STYK1: variants seen among roughly 807,000 people sequenced by gnomAD.
STYK1 encodes the protein tyrosine-protein kinase STYK1.
In STYK1, 46 loss-of-function variants were observed where a neutral mutation model predicts 48.1. The ratio of observed to expected loss-of-function variants is 0.96; its 90% CI spans 0.75 to 1.22. STYK1 has a LOEUF of 1.22. Among genes scored for constraint, STYK1 ranks in the 50% most tolerant of loss-of-function variants. The pLI, the probability that STYK1 is intolerant of heterozygous loss-of-function variation, is 0.00. For missense variants in STYK1, 527 were observed against 521.1 expected, an observed-to-expected ratio of 1.01 and a Z score of -0.11; for synonymous variants, 188 against 189.0, an observed-to-expected ratio of 0.99 and a Z score of 0.04.
At chr12:10,668,276 C>T (rs543878224) in intron 1 of STYK1, among the ~76,000 whole-genome samples, 10 of 152,216 alleles carry the variant, frequency 6.6e-5, no homozygotes, top group South Asian at 4.1e-4. Context: ...GAGCTTAAAA[C>T]GGATTTCAGG....
rs1037782311 is a variant in STYK1, at chr12:10,634,664, C to T, written c.-46G>A. On this transcript the variant is annotated 5_prime_UTR_variant, in exon 3 of 11. The change creates a new upstream start codon in the 5' untranslated region. Transcript: ENST00000075503. ...CCCTGCTAGGCCCACAGAGAATGCA[C>T]ACAGCACAGCTGTGAGTAATTCCTA... is the stretch of plus-strand genomic sequence containing the variant. 3.1e-6 allele frequency: 5 copies of T among 1,609,886 alleles called. No homozygotes were observed. The Admixed American group carries it at 5.0e-5, about 16-fold the overall frequency.
intron 1 of STYK1, among the ~76,000 whole-genome samples, chr12:10,653,301 C>T (rs1446413488): frequency 6.6e-6 from 1 of 152,054 alleles, no homozygotes; most frequent in Non-Finnish European, 1.5e-5. Context: ...TGGTCTCGAC[C>T]TTGGCCTCCC....
At chr12:10,669,951 A>C (rs542788473) in intron 1 of STYK1, among the ~76,000 whole-genome samples, 1 of 152,352 alleles carries the variant, frequency 6.6e-6, no homozygotes, top group Non-Finnish European at 1.5e-5. Flanking sequence ...ACCTGTTAGA[A>C]TAGCTATTAT....
intron 1 of STYK1, among the ~76,000 whole-genome samples, chr12:10,669,557 T>G (rs1947870664): frequency 6.6e-6 from 1 of 152,134 alleles, no homozygotes. Flanking sequence ...AAAAGGTCCA[T>G]CATATTAGGC....
chr12:10,636,466 A>G (rs1277721988), intron 2 of STYK1, among the ~76,000 whole-genome samples: 1 of 152,214 alleles, frequency 6.6e-6, no homozygotes, highest in Non-Finnish European at 1.5e-5. Context: ...CACTGTATCC[A>G]GTGTGTAAAC....
chr12:10,621,741 G>A, intron 10 of STYK1, 135 bp downstream of exon 10: 1 of 659,408 alleles, frequency 1.5e-6, no homozygotes. Flanking sequence ...TTTACTGCAT[G>A]GGTTTGGTTA....
Position 10,631,287 on chromosome 12 carries a change from G to C in STYK1, c.209C>G (p.Pro70Arg). ...GPQGIAPVPP[P>R]RDLSWEAGHG... ...TCCTGCTTCCCAGCTTAGGTCCCTA[G>C]GTGGAGGAACAGGGGCAATGCCTAG... is the stretch of plus-strand genomic sequence containing the variant. The change falls in exon 5 of 11, where the codon CCT becomes CGT. Residue 70 changes from proline to arginine, a missense_variant. Transcript: ENST00000075503. 1.9e-6 allele frequency: 3 copies of C among 1,614,190 alleles called. No individual in the cohort carries two copies. Among genetic ancestry groups the C allele is most frequent in the Non-Finnish European group, 2.5e-6 (3 of 1,180,012 alleles).
In STYK1 at chr12:10,672,633, C is replaced by T. The variant is rs142795892; in HGVS notation, c.-195+1333G>A. Reference sequence around the variant, plus strand: ...CTTATGAGACTCTAATGCCTGATGACGTAAGGTGGAACAGTTTCATTCTGA... The same window carrying T: ...CTTATGAGACTCTAATGCCTGATGATGTAAGGTGGAACAGTTTCATTCTGA... On this transcript the variant is annotated intron_variant, in intron 1 of 10. Transcript: ENST00000075503. The surrounding 1 kb of genome is among the most constrained non-coding windows in gnomAD (Gnocchi z 4.0). 2.5e-4 allele frequency among the ~76,000 whole-genome samples: 38 copies of T among 152,204 alleles called. No homozygotes were observed. Among genetic ancestry groups the T allele is most frequent in the African/African-American group, 9.2e-4 (38 of 41,528 alleles).
rs1020965513 is a variant in STYK1 at position 10,672,537 on chromosome 12, A to G, written c.-195+1429T>C. On this transcript the variant is annotated intron_variant, in intron 1 of 10. Transcript: ENST00000075503. The surrounding 1 kb of genome is among the most constrained non-coding windows in gnomAD (Gnocchi z 4.0). ...ACAGGTGTGAGCCACCGTGCCCACT[A>G]GCATTAGATTGTCATAGGAGCGTGA... is the stretch of plus-strand genomic sequence containing the variant. 6.6e-6 allele frequency among the ~76,000 whole-genome samples: 1 copy of G among 152,160 alleles called. No individual in the cohort carries two copies. Among genetic ancestry groups the G allele is most frequent in the African/African-American group, 2.4e-5 (1 of 41,432 alleles).
intron 1 of STYK1, among the ~76,000 whole-genome samples, chr12:10,648,604 C>T (rs1947625964): frequency 6.6e-6 from 1 of 151,820 alleles, no homozygotes; most frequent in Non-Finnish European, 1.5e-5. Flanking sequence ...CCATTTAAGA[C>T]AAAATATTAT....
intron 7 of STYK1, among the ~76,000 whole-genome samples, chr12:10,625,087 G>A (rs1169993193): frequency 6.6e-6 from 1 of 152,148 alleles, no homozygotes; most frequent in Non-Finnish European, 1.5e-5. Context: ...ATTAATACTG[G>A]ATTTTGAAAA....
chr12:10,625,709 G>C (rs1455185805), intron 7 of STYK1, among the ~76,000 whole-genome samples: 2 of 152,246 alleles, frequency 1.3e-5, no homozygotes, highest in African/African-American at 2.4e-5. Context: ...GTAGTGACCA[G>C]AACCAGGTAT....
intron 1 of STYK1, among the ~76,000 whole-genome samples, chr12:10,653,884 G>A (rs530264755): frequency 6.6e-6 from 1 of 152,252 alleles, no homozygotes; most frequent in East Asian, 1.9e-4. Flanking sequence ...ACAGGGGCTT[G>A]GTAAAACAAG....
intron 6 of STYK1, among the ~76,000 whole-genome samples, chr12:10,628,011 T>C (rs1947379792): frequency 6.6e-6 from 1 of 152,232 alleles, no homozygotes; most frequent in Non-Finnish European, 1.5e-5. Flanking sequence ...TCTGTGTGTG[T>C]GCTTGTGTGT....
chr12:10,626,182 A>G (rs1413158855), intron 7 of STYK1, among the ~76,000 whole-genome samples: 1 of 152,198 alleles, frequency 6.6e-6, no homozygotes, highest in Admixed American at 6.5e-5. Context: ...AAAGAATGTA[A>G]CTGACTTTGA....
At chr12:10,666,468 T>C (rs563835848) in intron 1 of STYK1, among the ~76,000 whole-genome samples, 1 of 152,220 alleles carries the variant, frequency 6.6e-6, no homozygotes, top group African/African-American at 2.4e-5. Context: ...TCTGGTTAAA[T>C]CATTCAATGT....
At chr12:10,658,352 A>C (rs1947740824) in intron 1 of STYK1, among the ~76,000 whole-genome samples, 1 of 152,232 alleles carries the variant, frequency 6.6e-6, no homozygotes, top group South Asian at 2.1e-4. Flanking sequence ...ATTTTTGTGT[A>C]ATATTTTTAA....
At chr12:10,650,119 CAAAAAAAAAAAAAAAA>C (rs71051518) in intron 1 of STYK1, among the ~76,000 whole-genome samples, 3 of 51,296 alleles carry the variant, frequency 5.8e-5, no homozygotes, top group African/African-American at 2.3e-4. Context: ...GACTCTGTCT[CAAAAAAAAAAAAAAAA>C]AAAAAAAAAA....
chr12:10,641,578 A>G (rs1314580901), intron 1 of STYK1, among the ~76,000 whole-genome samples: 1 of 152,214 alleles, frequency 6.6e-6, no homozygotes, highest in Admixed American at 6.5e-5. Flanking sequence ...ACACTTTCTC[A>G]TTCTCTGATA....
Sources: allele counts gnomAD v4.1 joint callset (sites outside exome capture counted in the v4.1 genomes callset), GRCh38; gene constraint gnomAD v4.1.1; non-coding constraint Gnocchi (gnomAD v3.1); transcripts MANE v1.5; gene names NCBI Gene and HGNC (gene_info 2026-07-23, HGNC 2026-07-21).